The following FBXO21 variants were observed in gnomAD, a reference collection of about 807,000 sequenced individuals.
FBXO21 encodes the protein F-box protein 21, also known as F-box only protein 21.
A neutral mutation model predicts 76.6 loss-of-function variants in FBXO21; 32 were observed. The ratio of observed to expected loss-of-function variants is 0.42; its 90% confidence interval spans 0.32 to 0.56. FBXO21 has a LOEUF of 0.56. Ranked by LOEUF, FBXO21 falls within the 20% of genes least tolerant of loss-of-function variation. FBXO21 has a pLI of 0.16. For missense variants in FBXO21, 586 were observed against 797.3 expected (o/e 0.73, Z 3.19); for synonymous variants, 328 against 311.5 (o/e 1.05, Z -0.56).
At chr12:117,189,184 C>A in intron 2 of FBXO21, 43 bp downstream of exon 2, 1 of 1,613,562 alleles carries the variant, frequency 6.2e-7, no homozygotes, top group Non-Finnish European at 8.5e-7. Context: ...CAGACACATA[C>A]ACCAGCAAGC....
At chr12:117,163,029 T>C (rs1281465032) in intron 9 of FBXO21, among the ~76,000 whole-genome samples, 1 of 152,196 alleles carries the variant, frequency 6.6e-6, no homozygotes, top group Non-Finnish European at 1.5e-5. Flanking sequence ...TCCTTGGCTG[T>C]CTCAGGGGCC....
rs570941662 is a variant in FBXO21 at position 117,153,300 on chromosome 12, C to A, written c.1675+2491G>T. Among the ~76,000 whole-genome samples the A allele has an allele frequency of 2.6e-5, 4 of 152,176 alleles. No homozygotes were observed. The East Asian group carries it at 7.7e-4, about 29-fold the overall frequency. ...CAAGGGGAGAAGAGCAAGACACGGCCCCCACGTGGTGTCACTAGTGAGATG... is the reference window on the plus strand; with the variant it reads ...CAAGGGGAGAAGAGCAAGACACGGCACCCACGTGGTGTCACTAGTGAGATG... On this transcript the variant is annotated intron_variant, in intron 11 of 11. Transcript: ENST00000622495.
intron 9 of FBXO21, among the ~76,000 whole-genome samples, chr12:117,163,753 G>C (rs1414737001): frequency 6.6e-6 from 1 of 151,864 alleles, no homozygotes; most frequent in East Asian, 1.9e-4. Context: ...GAACAGCCTG[G>C]CCAACATGGT....
At chr12:117,182,041 G>A (rs1248343475) in intron 3 of FBXO21, among the ~76,000 whole-genome samples, 3 of 152,074 alleles carry the variant, frequency 2.0e-5, no homozygotes, top group Non-Finnish European at 2.9e-5. Context: ...AACACAAACT[G>A]ATTTCAAGCT....
intron 7 of FBXO21, among the ~76,000 whole-genome samples, chr12:117,170,033 G>T (rs966229063): frequency 6.7e-6 from 1 of 148,310 alleles, no homozygotes; most frequent in Non-Finnish European, 1.5e-5. Flanking sequence ...TAGCACTAAC[G>T]ATTTATTCAG....
At chr12:117,186,700 T>C (rs1956286392) in intron 2 of FBXO21, 129 bp from the exon 3 acceptor site, 1 of 592,786 alleles carries the variant, frequency 1.7e-6, no homozygotes, top group South Asian at 2.2e-5. Context: ...TACACTACCT[T>C]GCACTACCAG....
At chr12:117,146,390 G>A in intron 11 of FBXO21, 113 bp from the exon 12 acceptor site, 1 of 815,468 alleles carries the variant, frequency 1.2e-6, no homozygotes, top group Non-Finnish European at 2.0e-6. Context: ...GGGTGGAGAA[G>A]GGAAGACTGA....
intron 3 of FBXO21, among the ~76,000 whole-genome samples, 193 bp from the exon 4 acceptor site, chr12:117,177,834 GA>G (rs912019617): frequency 7.2e-5 from 11 of 152,146 alleles, no homozygotes; most frequent in Non-Finnish European, 1.5e-4. Flanking sequence ...GAAATCTGAG[GA>G]ACAGTTATCT....
chr12:117,165,691 G>T, intron 8 of FBXO21, 74 bp from the exon 9 acceptor site: 2 of 1,411,810 alleles, frequency 1.4e-6, no homozygotes, highest in Non-Finnish European at 1.9e-6. Flanking sequence ...CAAGGCCCAG[G>T]TTTTAAATAT....
At chr12:117,174,024 C>T (rs1956146506) in intron 6 of FBXO21, among the ~76,000 whole-genome samples, 181 bp downstream of exon 6, 1 of 152,084 alleles carries the variant, frequency 6.6e-6, no homozygotes, top group African/African-American at 2.4e-5. Flanking sequence ...GTAGTCCTAG[C>T]TACTCAGGAG....
rs1160810367 is a variant in FBXO21, at chr12:117,186,579, G to A, written c.376-8C>T. The stretch of plus-strand genomic sequence containing the variant: ...GAAGCCATTACAAGGAACCTATGAA[G>A]AAGACATATACAAGTAGGCCTCAAT... On this transcript the variant is annotated splice_region_variant and splice_polypyrimidine_tract_variant and intron_variant, in intron 2 of 11. Transcript: ENST00000622495. The A allele has an allele frequency of 6.3e-7, 1 of 1,584,650 alleles. No homozygotes were observed. Among genetic ancestry groups the A allele is most frequent in the Non-Finnish European group, 8.6e-7 (1 of 1,158,188 alleles).
chr12:117,146,757 G>C (rs1195208588), intron 11 of FBXO21, among the ~76,000 whole-genome samples: 1 of 152,110 alleles, frequency 6.6e-6, no homozygotes, highest in Non-Finnish European at 1.5e-5. Flanking sequence ...TTCCACCCGA[G>C]CTCCTTCCAA....
chr12:117,158,811 CACT>C (rs1281436772), intron 9 of FBXO21, among the ~76,000 whole-genome samples: 1 of 152,168 alleles, frequency 6.6e-6, no homozygotes, highest in East Asian at 1.9e-4. Context: ...TGTCTGACTC[CACT>C]ATTACCGCCT....
At position 117,186,482 on chromosome 12, in the gene FBXO21, T is replaced by C; in HGVS notation, c.465A>G (p.Glu155=). Residue 155 remains glutamate (E), a synonymous_variant, in exon 3 of 12, where the codon GAA becomes GAG. Coordinates refer to ENST00000622495, the MANE Select transcript of FBXO21 (RefSeq NM_015002.3). Reference sequence around the variant, plus strand: ...CTGCTAAAGCTATGGCTTACCTTCCTTCCATATTTAGGATACACACCAGTT... The same window carrying C: ...CTGCTAAAGCTATGGCTTACCTTCCCTCCATATTTAGGATACACACCAGTT... ...EDELVCILNM[E]GRKALTWKYY... is the part of the protein sequence containing the mutation. The C allele has an allele frequency of 6.2e-7, 1 of 1,606,186 alleles. No individual in the cohort carries two copies. The highest frequency in any genetic ancestry group is 8.5e-7 in the Non-Finnish European group (1 of 1,173,732).
chr12:117,182,559 AGGATCTTTTTTT>A (rs1566008418), intron 3 of FBXO21, among the ~76,000 whole-genome samples: 1 of 126,752 alleles, frequency 7.9e-6, no homozygotes, highest in African/African-American at 2.9e-5. Flanking sequence ...CCACAGCAAG[AGGATCTTTTTTT>A]TTTTTTTTTT....
chr12:117,179,996 C>T lies in FBXO21; in HGVS notation c.471-2355G>A, dbSNP rs77430754. On this transcript the variant is annotated intron_variant, in intron 3 of 11. Transcript: ENST00000622495. ...ATGGACTCAGAGAGACAAGCATATT[C>T]GATGCATTTCAATCCATTCCTGTTA... Among the ~76,000 whole-genome samples the T allele has an allele frequency of 2.1e-4, 32 of 152,278 alleles. No individual in the cohort carries two copies. In the East Asian group the frequency reaches 5.4e-3, roughly 26 times the overall value.
intron 9 of FBXO21, among the ~76,000 whole-genome samples, chr12:117,161,649 G>T (rs1955978068): frequency 6.6e-6 from 1 of 152,152 alleles, no homozygotes; most frequent in Non-Finnish European, 1.5e-5. Context: ...TCACGTGCAG[G>T]GGTGTAGCAG....
At chr12:117,162,715 A>C (rs185606384) in intron 9 of FBXO21, among the ~76,000 whole-genome samples, 1 of 152,284 alleles carries the variant, frequency 6.6e-6, no homozygotes, top group East Asian at 1.9e-4. Context: ...ATAAACTCAA[A>C]GCCTTCCACA....
At chr12:117,176,683 G>A (rs1391643539) in intron 4 of FBXO21, among the ~76,000 whole-genome samples, 4 of 152,122 alleles carry the variant, frequency 2.6e-5, no homozygotes, top group African/African-American at 9.7e-5. Context: ...CATGAGACTA[G>A]TTACAGAAGC....
Sources: gnomAD v4.1 joint callset for allele counts (sites outside exome capture counted in the v4.1 genomes callset) on GRCh38, gnomAD v4.1.1 for gene constraint, MANE v1.5 for transcripts, NCBI Gene and HGNC (gene_info 2026-07-23, HGNC 2026-07-21) for gene names.